The following AIRIM variants were observed in gnomAD, a reference collection of about 807,000 sequenced individuals.
The protein encoded by AIRIM is AFG2-interacting ribosome maturation factor.
the AIRIM span, chr1:37,682,999 G>C: frequency 9.7e-7 from 1 of 1,027,748 alleles, no homozygotes; most frequent in Admixed American, 2.1e-5. Flanking sequence ...CCAGTCCTAA[G>C]GTTCAAGGCA....
the AIRIM span, chr1:37,683,466 G>T: frequency 6.2e-7 from 1 of 1,605,926 alleles, no homozygotes; most frequent in Non-Finnish European, 8.5e-7. Flanking sequence ...CTGCTCAAAA[G>T]AAAATGCAGT....
At chr1:37,686,529 A>G in the AIRIM span, 8 of 1,411,284 alleles carry the variant, frequency 5.7e-6, no homozygotes, top group Admixed American at 2.0e-5. Context: ...GGCACTACTG[A>G]TATTTTGGAC....
At chr1:37,692,040 GCCTGAGGAGCTTGGGGC>G in the AIRIM span, 2 of 154,072 alleles carry the variant, frequency 1.3e-5, no homozygotes, top group African/African-American at 4.8e-5. Flanking sequence ...CCGAAGTTCG[GCCTGAGGAGCTTGGGGC>G]CCTGAGGAGC....
the AIRIM span, chr1:37,689,988 A>C: frequency 7.6e-6 from 11 of 1,444,464 alleles, no homozygotes; most frequent in Non-Finnish European, 1.0e-5. Flanking sequence ...GTGTTCAGAC[A>C]GGAGTTGTCT....
the AIRIM span, chr1:37,686,383 T>C: frequency 6.2e-7 from 1 of 1,614,168 alleles, no homozygotes; most frequent in South Asian, 1.1e-5. Flanking sequence ...TGTCTGCGTG[T>C]TGCTCATAGA....
the AIRIM span, chr1:37,689,990 G>T: frequency 5.0e-4 from 727 of 1,444,602 alleles, 1 homozygote; most frequent in African/African-American, 8.2e-3. Flanking sequence ...GTTCAGACAG[G>T]AGTTGTCTCA....
the AIRIM span, chr1:37,683,490 A>T: frequency 1.3e-6 from 2 of 1,578,436 alleles, no homozygotes; most frequent in South Asian, 2.3e-5. Context: ...CTGAAGTGAA[A>T]AAAAACACCC....
chr1:37,690,042 G>A, the AIRIM span: 3 of 1,412,472 alleles, frequency 2.1e-6, no homozygotes, highest in Non-Finnish European at 1.8e-6. Context: ...TTTTCGAGAC[G>A]GAGTCTCACT....
chr1:37,683,754 T>G, the AIRIM span: 1 of 219,850 alleles, frequency 4.5e-6, no homozygotes, highest in Admixed American at 5.4e-5. Context: ...AGAGGATAAA[T>G]ACATCCAATT....
At chr1:37,685,569 G>A in the AIRIM span, among the ~76,000 whole-genome samples, 2 of 151,618 alleles carry the variant, frequency 1.3e-5, no homozygotes, top group East Asian at 1.9e-4. Context: ...TGTATTTTTT[G>A]TAGAGACGGC....
the AIRIM span, among the ~76,000 whole-genome samples, chr1:37,686,699 T>C: frequency 1.5e-4 from 23 of 152,172 alleles, no homozygotes; most frequent in South Asian, 4.1e-4. Context: ...TGTCCCCTCA[T>C]AGAAAAACCA....
At chr1:37,690,410 T>C in the AIRIM span, 2 of 1,269,156 alleles carry the variant, frequency 1.6e-6, no homozygotes, top group Non-Finnish European at 2.0e-6. Context: ...CAGTCCTGTC[T>C]CCCCTGCCCG....
the AIRIM span, among the ~76,000 whole-genome samples, chr1:37,688,182 C>T: frequency 6.6e-6 from 1 of 152,138 alleles, no homozygotes; most frequent in African/African-American, 2.4e-5. Context: ...TCAGCCTCCC[C>T]TTTAGCTGGG....
the AIRIM span, chr1:37,683,550 AT>A: frequency 7.9e-7 from 1 of 1,272,294 alleles, no homozygotes; most frequent in Non-Finnish European, 1.1e-6. Flanking sequence ...ATATCCTTAC[AT>A]TTTACCAGGT....
chr1:37,681,988 G>A, the AIRIM span: 2 of 152,198 alleles, frequency 1.3e-5, no homozygotes, highest in African/African-American at 4.8e-5. Flanking sequence ...TATTTTGGGA[G>A]GCTATGGTGG....
At chr1:37,682,563 C>G in the AIRIM span, 1 of 152,826 alleles carries the variant, frequency 6.5e-6, no homozygotes, top group South Asian at 2.1e-4. Context: ...ACCACCTCCC[C>G]CTGGTGGCAG....
chr1:37,687,908 G>A, the AIRIM span, among the ~76,000 whole-genome samples: 1 of 151,674 alleles, frequency 6.6e-6, no homozygotes, highest in Non-Finnish European at 1.5e-5. Flanking sequence ...TTTTCATGGA[G>A]AATGGGATCT....
At chr1:37,687,104 GTGTGTGTA>G in the AIRIM span, among the ~76,000 whole-genome samples, 66 of 125,348 alleles carry the variant, frequency 5.3e-4, no homozygotes, top group African/African-American at 1.9e-3. Flanking sequence ...GTGTGTGTGT[GTGTGTGTA>G]TAGTTTTTGT....
the AIRIM span, chr1:37,690,518 C>G: frequency 0.26 from 302,569 of 1,184,256 alleles, 39,856 homozygotes; most frequent in Non-Finnish European, 0.27. Context: ...CGCCCACAGT[C>G]TCTCTGCGCA....
Sources: gnomAD v4.1 joint callset for allele counts (sites outside exome capture counted in the v4.1 genomes callset) on GRCh38, gnomAD v4.1.1 for gene constraint, MANE v1.5 for transcripts, NCBI Gene and HGNC (gene_info 2026-07-23, HGNC 2026-07-21) for gene names.